SLFN11: variants seen among roughly 807,000 people sequenced by gnomAD.
SLFN11 encodes the protein schlafen family member 11.
A neutral mutation model predicts 53.4 loss-of-function variants in SLFN11; 43 were observed. The observed-to-expected ratio is 0.80, with a 90% CI of 0.63 to 1.04. SLFN11 has a LOEUF of 1.04. Ranked by LOEUF, SLFN11 falls within the 50% of genes least tolerant of loss-of-function variation. SLFN11 has a pLI of 0.00. For missense variants in SLFN11, 990 were observed against 1,079.1 expected, an observed-to-expected ratio of 0.92 and a Z score of 1.16; for synonymous variants, 389 against 394.7, an observed-to-expected ratio of 0.99 and a Z score of 0.17.
chr17:35,355,318 T>G (rs1907322964), intron 5 of SLFN11, among the ~76,000 whole-genome samples: 1 of 152,044 alleles, frequency 6.6e-6, no homozygotes, highest in Non-Finnish European at 1.5e-5. Flanking sequence ...GAGGATTGCT[T>G]GAGCCAGGGA....
rs142470821 is a variant in SLFN11, at chr17:35,352,709, C to A, written c.2353G>T (p.Val785Leu). 444 of 1,614,208 alleles carry A rather than the reference C, an allele frequency of 2.8e-4. 1 individual carries two copies. In the Middle Eastern group the frequency reaches 3.5e-3, roughly 13 times the overall value. The change falls in exon 7 of 7, where the codon GTG becomes TTG. Residue 785 changes from valine to leucine, a missense_variant. By Grantham distance (32) the Val-to-Leu change is conservative (BLOSUM62 1). Around this residue, in one of 3 missense-constraint regions of SLFN11, gnomAD observed 313 missense variants for 320.9 expected, o/e 0.98. Coordinates refer to ENST00000685675, the MANE Select transcript of SLFN11 (RefSeq NM_001376007.1). Reference protein sequence around the residue: ...GTLRIKKYLTVEQIMTCVADT... With the variant: ...GTLRIKKYLTLEQIMTCVADT... The stretch of plus-strand genomic sequence containing the variant: ...GCCACACAGGTCATTATTTGCTCCA[C>A]AGTCAAGTATTTCTTAATTCGTAAG...
intron 5 of SLFN11, among the ~76,000 whole-genome samples, chr17:35,355,806 A>T (rs1174912629): frequency 2.6e-5 from 4 of 152,142 alleles, no homozygotes; most frequent in African/African-American, 9.6e-5. Flanking sequence ...GCCTTTGCAC[A>T]GGTGTGCTCT....
In SLFN11 at chr17:35,352,914, A is replaced by G. The variant is rs1176001159; in HGVS notation, c.2148T>C (p.Pro716=). 9 of 1,614,016 alleles carry G rather than the reference A, an allele frequency of 5.6e-6. No individual in the cohort carries two copies. The highest frequency in any genetic ancestry group is 2.2e-5 in the East Asian group (1 of 44,894). ...QTSHLDCSGL[P]PLSDQYPREE... is the part of the protein sequence containing the mutation. ...CTCTTGGATATTGGTCTGAGAGAGGAGGGAGGCCACTGCAATCCAAGTGGC... is the reference window on the plus strand; with the variant it reads ...CTCTTGGATATTGGTCTGAGAGAGGGGGGAGGCCACTGCAATCCAAGTGGC... Residue 716 remains proline (P), a synonymous_variant, in exon 7 of 7, where the codon CCT becomes CCC. Transcript: ENST00000685675.
chr17:35,353,247 C>A, intron 6 of SLFN11, 89 bp downstream of exon 6: 1 of 1,600,914 alleles, frequency 6.2e-7, no homozygotes, highest in Non-Finnish European at 8.5e-7. Flanking sequence ...ATCATTTTAC[C>A]ACTCAATTCT....
intron 1 of SLFN11, among the ~76,000 whole-genome samples, chr17:35,369,637 A>G (rs1909409787): frequency 6.6e-6 from 1 of 152,128 alleles, no homozygotes; most frequent in African/African-American, 2.4e-5. Context: ...GCTACCTGAG[A>G]AAAAAAGGAG....
intron 3 of SLFN11, among the ~76,000 whole-genome samples, chr17:35,365,832 A>G (rs1396682192): frequency 1.3e-5 from 2 of 152,190 alleles, no homozygotes; most frequent in African/African-American, 4.8e-5. Context: ...ATATTTTAAA[A>G]ACTGTAATAA....
Position 35,352,877 on chromosome 17 carries a change from T to C in SLFN11, c.2185A>G (p.Arg729Gly). 1.2e-6 allele frequency: 2 copies of C among 1,614,232 alleles called. No individual in the cohort carries two copies. Among genetic ancestry groups the C allele is most frequent in the East Asian group, 4.5e-5 (2 of 44,890 alleles). ...ATTGGATCTGCATTGCGAACTATTCTGGTGAGCTCTTCTCTTGGATATTGG... is the reference window on the plus strand; with the variant it reads ...ATTGGATCTGCATTGCGAACTATTCCGGTGAGCTCTTCTCTTGGATATTGG... ...SDQYPREELT[R>G]IVRNADPIAK... The change falls in exon 7 of 7, where the codon AGA becomes GGA. Residue 729 changes from arginine (R) to glycine (G), a missense_variant. Arg to Gly is a moderately radical substitution (Grantham distance 125). This residue lies in a region of SLFN11 where 313 missense variants were observed against 320.9 expected (regional missense o/e 0.98). Transcript: ENST00000685675.
intron 5 of SLFN11, among the ~76,000 whole-genome samples, chr17:35,356,797 T>C (rs1397798038): frequency 2.9e-5 from 4 of 140,108 alleles, no homozygotes; most frequent in Admixed American, 7.2e-5. Context: ...ATATGTAGCA[T>C]ACACACACAC....
intron 5 of SLFN11, among the ~76,000 whole-genome samples, chr17:35,354,735 G>T (rs1907249273): frequency 6.6e-6 from 1 of 152,130 alleles, no homozygotes; most frequent in Non-Finnish European, 1.5e-5. Flanking sequence ...GAATATACTT[G>T]CATTGGAGGA....
At position 35,351,243 on chromosome 17, in the gene SLFN11, C is replaced by A. The variant is rs939621295; in HGVS notation, c.*1113G>T. 2 of 152,188 alleles carry A rather than the reference C, an allele frequency of 1.3e-5. No individual in the cohort carries two copies. The highest frequency in any genetic ancestry group is 4.8e-5 in the African/African-American group (2 of 41,438). The allele number at this position is 152,188 out of a possible 1,614,324, so 9.4% of individuals were successfully genotyped here. On this transcript the variant is annotated 3_prime_UTR_variant, in exon 7 of 7. Coordinates refer to ENST00000685675, the MANE Select transcript of SLFN11 (RefSeq NM_001376007.1). ...CACAGGGAGGGAGGGAACAAGCTCT[C>A]TGGGGTCTCTCCCTATAAGGACACC...
At chr17:35,358,197 C>A (rs890657199) in intron 5 of SLFN11, among the ~76,000 whole-genome samples, 1 of 150,666 alleles carries the variant, frequency 6.6e-6, no homozygotes, top group Non-Finnish European at 1.5e-5. Context: ...CTTTTTGTTG[C>A]TATTGAAAAT....
At chr17:35,373,211 C>G (rs1567830894) in intron 1 of SLFN11, among the ~76,000 whole-genome samples, 1 of 151,826 alleles carries the variant, frequency 6.6e-6, no homozygotes, top group South Asian at 2.1e-4. Context: ...CAACTTCCAG[C>G]GGGAGCAGGT....
rs1240392186 is a variant in SLFN11, at chr17:35,352,453, G to A, written c.2609C>T (p.Pro870Leu). Residue 870 changes from proline to leucine, a missense_variant, in exon 7 of 7, where the codon CCA becomes CTA. By Grantham distance (98) the Pro-to-Leu change is moderately conservative. Transcript: ENST00000685675. ...LERSIVFGIHPRTADPAILPN... is the reference protein window; with the variant it reads ...LERSIVFGIHLRTADPAILPN... ...TAAGATAGCTGGGTCAGCTGTCCTT[G>A]GATGGATCCCAAACACTATGCTCCT... 6.2e-7 allele frequency: 1 copy of A among 1,614,184 alleles called. No individual in the cohort carries two copies. Among genetic ancestry groups the A allele is most frequent in the Non-Finnish European group, 8.5e-7 (1 of 1,180,036 alleles).
intron 1 of SLFN11, among the ~76,000 whole-genome samples, 176 bp downstream of exon 1, chr17:35,373,298 T>A (rs1240881935): frequency 4.1e-5 from 3 of 72,310 alleles, no homozygotes; most frequent in Non-Finnish European, 7.8e-5. Context: ...CAGTCCTCCA[T>A]AGTCCGCTTT....
Position 35,362,947 on chromosome 17 carries a change from G to A in SLFN11, c.861C>T (p.Cys287=). ...AIYKLPCVHF[C]QPQRPITFTL... is the part of the protein sequence containing the mutation. The stretch of plus-strand genomic sequence containing the variant: ...TGAAGGTTATCGGGCGTTGGGGTTG[G>A]CAAAAATGAACACAAGGTAGTTTGT... The change falls in exon 4 of 7, where the codon TGC becomes TGT. Residue 287 remains cysteine (C), a synonymous_variant. Coordinates refer to ENST00000685675, the MANE Select transcript of SLFN11 (RefSeq NM_001376007.1). 6.2e-7 allele frequency: 1 copy of A among 1,613,224 alleles called. No individual in the cohort carries two copies. Among genetic ancestry groups the A allele is most frequent in the African/African-American group, 1.3e-5 (1 of 74,934 alleles).
intron 1 of SLFN11, among the ~76,000 whole-genome samples, chr17:35,368,903 A>G (rs1909296107): frequency 1.3e-5 from 2 of 152,058 alleles, no homozygotes; most frequent in African/African-American, 4.8e-5. Flanking sequence ...GCCAGAAGAG[A>G]AACTGCTGCC....
Position 35,353,596 on chromosome 17 carries a change from G to T in SLFN11, c.1662C>A (p.Leu554=), listed in dbSNP as rs200045726. 2,773 of 1,180,538 alleles carry T rather than the reference G, an allele frequency of 2.3e-3. 82 individuals carry two copies. The East Asian group carries it at 0.06, about 25-fold the overall frequency. The allele number at this position is 1,180,538 out of a possible 1,614,324, so 73.1% of individuals were successfully genotyped here. The change falls in exon 6 of 7, where the codon CTC becomes CTA. Residue 554 remains leucine, a synonymous_variant. Transcript: ENST00000685675. ...TQHMEALLQS[L]VIVLLGFRSL... ...ACCTGAAGCCGAGTAAGACAATCAC[G>T]AGGGACTGCAGCAGGGCTTCCATGT...
intron 1 of SLFN11, 23 bp downstream of exon 1, chr17:35,373,451 A>C (rs66756976): frequency 0.083 from 12,564 of 151,290 alleles, 1,771 homozygotes; most frequent in African/African-American, 0.29. Context: ...TGGGGTGGGA[A>C]GGGTGCTGCT....
chr17:35,356,206 G>C (rs1907449641), intron 5 of SLFN11, among the ~76,000 whole-genome samples: 1 of 152,058 alleles, frequency 6.6e-6, no homozygotes, highest in African/African-American at 2.4e-5. Flanking sequence ...CCAAATTATT[G>C]TCAATCAATG....
Sources: allele counts gnomAD v4.1 joint callset (sites outside exome capture counted in the v4.1 genomes callset), GRCh38; gene constraint gnomAD v4.1.1; regional missense constraint gnomAD v4.1.1; transcripts MANE v1.5; gene names NCBI Gene and HGNC (gene_info 2026-07-23, HGNC 2026-07-21).